The following EHMT1 variants were observed in gnomAD, a reference collection of about 807,000 sequenced individuals.
The protein encoded by EHMT1 is euchromatic histone lysine methyltransferase 1.
In EHMT1, 15 loss-of-function variants were observed where a neutral mutation model predicts 147.2. The ratio of observed to expected loss-of-function variants is 0.10; its 90% CI spans 0.07 to 0.16. The LOEUF is 0.16. Among genes scored for constraint, EHMT1 ranks in the 10% least tolerant of loss-of-function variants. EHMT1 has a pLI of 1.00. For missense variants in EHMT1, 1,587 were observed against 1,772.4 expected (o/e 0.90, Z 1.88); for synonymous variants, 795 against 709.6 (o/e 1.12, Z -1.91).
intron 18 of EHMT1, chr9:137,802,339 C>G (rs1953563400): frequency 7.5e-6 from 3 of 398,724 alleles, no homozygotes; most frequent in Non-Finnish European, 1.3e-5. Context: ...GTGTGTCCAC[C>G]TTCACAGAGG....
intron 3 of EHMT1, among the ~76,000 whole-genome samples, chr9:137,725,915 C>T (rs749665640): frequency 9.2e-5 from 14 of 152,134 alleles, no homozygotes; most frequent in Non-Finnish European, 1.3e-4. Context: ...CTGGAACTCT[C>T]GCTCTGCCTC....
At chr9:137,771,852 C>T (rs1950607449) in intron 10 of EHMT1, among the ~76,000 whole-genome samples, 1 of 152,160 alleles carries the variant, frequency 6.6e-6, no homozygotes, top group Non-Finnish European at 1.5e-5. Context: ...TCACAGGGGA[C>T]CCCAACTTGG....
chr9:137,737,472 C>T (rs1947640593), intron 4 of EHMT1, among the ~76,000 whole-genome samples: 1 of 152,196 alleles, frequency 6.6e-6, no homozygotes, highest in South Asian at 2.1e-4. Flanking sequence ...AAGAGTGATA[C>T]TGGACCCTTA....
At chr9:137,797,555 C>T (rs776372513) in intron 16 of EHMT1, among the ~76,000 whole-genome samples, 5 of 152,114 alleles carry the variant, frequency 3.3e-5, no homozygotes, top group South Asian at 2.1e-4. Context: ...ACTATTCCAG[C>T]GATTAAAGAC....
chr9:137,776,695 C>A lies in EHMT1; in HGVS notation c.1869C>A (p.Asn623Lys), dbSNP rs7868455. The stretch of plus-strand genomic sequence containing the variant: ...AAGACTGTGCCTCTCGAGTCAATAA[C>A]GCCAGCTATTGTCCCCACTGTGGGG... ...FHKDCASRVN[N>K]ASYCPHCGEE... Residue 623 changes from asparagine (N) to lysine (K), a missense_variant, in exon 12 of 27, where the codon AAC becomes AAA. By Grantham distance (94) the Asn-to-Lys change is moderately conservative. This residue lies in a region of EHMT1 where 124 missense variants were observed against 197.8 expected (regional missense o/e 0.63). Coordinates refer to ENST00000460843, the MANE Select transcript of EHMT1 (RefSeq NM_024757.5). The surrounding 1 kb of genome is among the most constrained non-coding windows in gnomAD (Gnocchi z 4.4). 1.9e-6 allele frequency: 3 copies of A among 1,613,960 alleles called. No individual in the cohort carries two copies. The highest frequency in any genetic ancestry group is 3.3e-5 in the Admixed American group (2 of 60,002).
At chr9:137,658,471 A>G (rs1320069501) in intron 1 of EHMT1, among the ~76,000 whole-genome samples, 1 of 151,598 alleles carries the variant, frequency 6.6e-6, no homozygotes, top group African/African-American at 2.4e-5. Context: ...TCTTTTTCAG[A>G]CTTCAGAATT....
At chr9:137,751,065 T>A (rs555054504) in intron 6 of EHMT1, among the ~76,000 whole-genome samples, 102 of 152,198 alleles carry the variant, frequency 6.7e-4, no homozygotes, top group Admixed American at 3.3e-4. Context: ...CTTTGCAGGG[T>A]CGGTTTTAGA....
intron 3 of EHMT1, among the ~76,000 whole-genome samples, chr9:137,723,626 G>A (rs1394276842): frequency 6.6e-6 from 1 of 152,144 alleles, no homozygotes. Context: ...CTGTGGCCCG[G>A]GGTGTGCCCG....
chr9:137,648,538 G>A (rs2133915302), intron 1 of EHMT1, among the ~76,000 whole-genome samples: 1 of 151,216 alleles, frequency 6.6e-6, no homozygotes, highest in African/African-American at 2.4e-5. Context: ...CATGCCTGTG[G>A]TCCCAGCTAC....
intron 10 of EHMT1, among the ~76,000 whole-genome samples, chr9:137,768,260 GTATT>G (rs1950339695): frequency 6.6e-6 from 1 of 151,048 alleles, no homozygotes; most frequent in African/African-American, 2.4e-5. Flanking sequence ...TTTAATGTAA[GTATT>G]AATATAGCTG....
intron 9 of EHMT1, among the ~76,000 whole-genome samples, chr9:137,760,953 G>A (rs1030497583): frequency 1.1e-4 from 17 of 152,218 alleles, no homozygotes; most frequent in African/African-American, 3.9e-4. Context: ...CTTGCAGTGA[G>A]CTGAGATCGC....
At chr9:137,696,507 A>G (rs549219179) in intron 1 of EHMT1, among the ~76,000 whole-genome samples, 1 of 152,334 alleles carries the variant, frequency 6.6e-6, no homozygotes, top group South Asian at 2.1e-4. Context: ...TAGGTAGAGA[A>G]GGCAGTCTTT....
intron 2 of EHMT1, among the ~76,000 whole-genome samples, chr9:137,711,945 G>A (rs956224832): frequency 5.3e-5 from 8 of 152,300 alleles, no homozygotes; most frequent in Non-Finnish European, 7.3e-5. Flanking sequence ...GGCCCCTGCC[G>A]TGTTCTCCTT....
chr9:137,797,929 C>T (rs756535701), intron 16 of EHMT1, among the ~76,000 whole-genome samples: 15 of 152,242 alleles, frequency 9.9e-5, no homozygotes, highest in Admixed American at 4.6e-4. Flanking sequence ...GTGTGGATGG[C>T]ACAGCGGTGT....
In EHMT1 at chr9:137,813,989, C is replaced by T. The variant is rs1344178578; in HGVS notation, c.3181-442C>T. 1.3e-5 allele frequency among the ~76,000 whole-genome samples: 2 copies of T among 150,692 alleles called. No individual in the cohort carries two copies. Among genetic ancestry groups the T allele is most frequent in the African/African-American group, 4.9e-5 (2 of 40,758 alleles). ...GGTGCCCTCACTGCTTGCGCCTTCTCGAGCACTTTCCTTGTGGCTCTGCTT... is the reference window on the plus strand; with the variant it reads ...GGTGCCCTCACTGCTTGCGCCTTCTTGAGCACTTTCCTTGTGGCTCTGCTT... On this transcript the variant is annotated intron_variant, in intron 21 of 26. Coordinates refer to ENST00000460843, the MANE Select transcript of EHMT1 (RefSeq NM_024757.5). This position sits in a 1 kb window ranked among gnomAD's most constrained non-coding sequence, Gnocchi z 4.9.
At chr9:137,684,862 T>C (rs910433704) in intron 1 of EHMT1, among the ~76,000 whole-genome samples, 2 of 152,206 alleles carry the variant, frequency 1.3e-5, no homozygotes, top group African/African-American at 4.8e-5. Context: ...ATGTTTAAAA[T>C]ATATATGTGG....
At chr9:137,692,457 G>A (rs1270737524) in intron 1 of EHMT1, among the ~76,000 whole-genome samples, 1 of 151,794 alleles carries the variant, frequency 6.6e-6, no homozygotes, top group Middle Eastern at 3.2e-3. Flanking sequence ...TGGAAACGGG[G>A]TTTCGCTGTG....
At chr9:137,814,123 G>A (rs1210616933) in intron 21 of EHMT1, 10 of 382,288 alleles carry the variant, frequency 2.6e-5, no homozygotes, top group South Asian at 6.7e-5. Context: ...CTTTCCCATC[G>A]AGCATCTGGC....
chr9:137,803,006 C>G, intron 18 of EHMT1: 1 of 1,231,674 alleles, frequency 8.1e-7, no homozygotes. Context: ...AGAGGCCACC[C>G]CCAGGTGGGG....
Sources: allele counts gnomAD v4.1 joint callset (sites outside exome capture counted in the v4.1 genomes callset), GRCh38; gene constraint gnomAD v4.1.1; regional missense constraint gnomAD v4.1.1; non-coding constraint Gnocchi (gnomAD v3.1); transcripts MANE v1.5; gene names NCBI Gene and HGNC (gene_info 2026-07-23, HGNC 2026-07-21).